Variants in ULK1 observed in about 807,000 individuals in gnomAD.
ULK1 encodes unc-51 like autophagy activating kinase 1.
ULK1 carries 48 observed loss-of-function variants against 117.5 expected under a neutral mutation model. That is an observed-to-expected ratio of 0.41 (90% CI 0.32 to 0.52). The LOEUF is 0.52. ULK1 is among the 20% of genes least tolerant of loss of function. The probability of loss-of-function intolerance (pLI) is 0.29; values close to 1 mark genes in which losing one functional copy is unlikely to be tolerated. For synonymous variants in ULK1, 790 were observed against 637.8 expected (o/e 1.24, Z -3.60); for missense variants, 1,387 against 1,473.4 (o/e 0.94, Z 0.96).
intron 11 of ULK1, among the ~76,000 whole-genome samples, chr12:131,910,507 G>C (rs7295593): frequency 0.63 from 94,979 of 151,964 alleles, 32,349 homozygotes; most frequent in Non-Finnish European, 0.77. Flanking sequence ...AGCAGGCTTG[G>C]GATGGGGATG....
rs1022478717 is a variant in ULK1 at position 131,919,846 on chromosome 12, C to G, written c.2804-133C>G. The G allele has an allele frequency of 4.4e-6, 6 of 1,369,840 alleles. No individual in the cohort carries two copies. The South Asian group carries it at 8.5e-5, about 19-fold the overall frequency. 84.9% of individuals were successfully genotyped at this position (1,369,840 alleles called of 1,614,324 possible). On this transcript the variant is annotated intron_variant, in intron 25 of 27. Transcript: ENST00000321867. ...AAGGTGCGGAGCCTGGCCACACCCT[C>G]AAGGCCACGGGGAGCCAGGGCTGTG...
intron 3 of ULK1, among the ~76,000 whole-genome samples, chr12:131,900,114 CAAAAAA>C (rs55658532): frequency 1.3e-4 from 9 of 70,122 alleles, no homozygotes; most frequent in African/African-American, 4.2e-4. Flanking sequence ...GAAACTCTCT[CAAAAAA>C]AAAAAAAAAA....
intron 22 of ULK1, chr12:131,918,231 G>A: frequency 1.8e-6 from 1 of 548,652 alleles, no homozygotes; most frequent in Non-Finnish European, 3.2e-6. Context: ...CTGGGGGTCG[G>A]GATACCCAGA....
chr12:131,908,407 C>A (rs1341195686), intron 5 of ULK1, among the ~76,000 whole-genome samples: 1 of 152,098 alleles, frequency 6.6e-6, no homozygotes, highest in Non-Finnish European at 1.5e-5. Flanking sequence ...TCTGGAGCAG[C>A]TGCAGCCCGG....
At chr12:131,913,910 C>A in intron 15 of ULK1, 74 bp downstream of exon 15, 1 of 1,285,048 alleles carries the variant, frequency 7.8e-7, no homozygotes, top group Non-Finnish European at 1.0e-6. Context: ...TCCTGTGTGT[C>A]GCAGCCAGCC....
At position 131,903,022 on chromosome 12, in the gene ULK1, G is replaced by A. The variant is rs977105096; in HGVS notation, c.247-3870G>A. ...GAGCTGGAGCCCGATGCCCTGTGTG[G>A]GTTCTGGGTGGGCCCAGGGGAGGTC... On this transcript the variant is annotated intron_variant, in intron 3 of 27. Coordinates refer to ENST00000321867, the MANE Select transcript of ULK1 (RefSeq NM_003565.4). This position sits in a 1 kb window ranked among gnomAD's most constrained non-coding sequence, Gnocchi z 6.0. Among the ~76,000 whole-genome samples the A allele has an allele frequency of 6.6e-6, 1 of 152,200 alleles. No homozygotes were observed. Among genetic ancestry groups the A allele is most frequent in the African/African-American group, 2.4e-5 (1 of 41,448 alleles).
intron 18 of ULK1, 140 bp downstream of exon 18, chr12:131,915,561 C>T: frequency 9.2e-7 from 1 of 1,089,910 alleles, no homozygotes; most frequent in Non-Finnish European, 1.3e-6. Flanking sequence ...ACTGCCTCTC[C>T]ACCTCCTGGC....
At chr12:131,914,542 G>T in intron 16 of ULK1, 65 bp downstream of exon 16, 1 of 1,558,676 alleles carries the variant, frequency 6.4e-7, no homozygotes, top group South Asian at 1.2e-5. Flanking sequence ...GCCCTTCCAC[G>T]GCTCCCATAG....
chr12:131,907,003 G>T (rs559638299), intron 4 of ULK1, 79 bp downstream of exon 4: 8 of 1,587,608 alleles, frequency 5.0e-6, no homozygotes, highest in Admixed American at 1.7e-5. Context: ...GACATGGCTG[G>T]GGGGAGGGTG....
In ULK1 at chr12:131,918,596, G is replaced by A; in HGVS notation, c.2426G>A (p.Cys809Tyr). 6.2e-7 allele frequency: 1 copy of A among 1,610,822 alleles called. No individual in the cohort carries two copies. The highest frequency in any genetic ancestry group is 8.5e-7 in the Non-Finnish European group (1 of 1,178,948). ...GAGCTCCCTGCTCCAGGACACGGCT[G>A]CAGCTTTGCCGACCCCATTACTGCG... ...APELPAPGHG[C>Y]SFADPITANL... The change falls in exon 23 of 28, where the codon TGC becomes TAC. Residue 809 changes from cysteine (C) to tyrosine (Y), a missense_variant. Around this residue, in one of 4 missense-constraint regions of ULK1, gnomAD observed 900 missense variants for 858.9 expected, o/e 1.05. Transcript: ENST00000321867.
chr12:131,910,001 G>A lies in ULK1; in HGVS notation c.808G>A (p.Asp270Asn). The A allele has an allele frequency of 6.2e-7, 1 of 1,611,608 alleles. No homozygotes were observed. The highest frequency in any genetic ancestry group is 1.1e-5 in the South Asian group (1 of 91,058). The change falls in exon 10 of 28, where the codon GAT (aspartate) becomes AAT (asparagine). Residue 270 changes from aspartate to asparagine, a missense_variant and splice_region_variant. Coordinates refer to ENST00000321867, the MANE Select transcript of ULK1 (RefSeq NM_003565.4). ...QRNHKDRMDF[D>N]EFFHHPFLDA... ...CAACCACAAGGACCGCATGGACTTC[G>A]GTGAGCACCCACCAGGGGCGCAGCT...
rs1888841221 is a variant in ULK1 at position 131,895,779 on chromosome 12, C to T, written c.205-4C>T. The T allele has an allele frequency of 1.9e-6, 3 of 1,614,156 alleles. No individual in the cohort carries two copies. The highest frequency in any genetic ancestry group is 1.1e-5 in the South Asian group (1 of 91,084). The stretch of plus-strand genomic sequence containing the variant: ...CTGATAACAAACTTGGGTTTCTGTC[C>T]TAGGAACTGAAACATGAAAACATCG... On this transcript the variant is annotated splice_region_variant and splice_polypyrimidine_tract_variant and intron_variant, in intron 2 of 27. Transcript: ENST00000321867.
At position 131,921,140 on chromosome 12, in the gene ULK1, AG is replaced by A; in HGVS notation, c.3005del (p.Gly1002AlafsTer44). ...CTGGACGAGATGTTCCAGCACCGTG[AG>A]GGCTGCGTCCCACGCTACCACAAGG... ...AALDEMFQHR[E>X]GCVPRYHKAL... On this transcript the variant is annotated frameshift_variant, in exon 27 of 28. Transcript: ENST00000321867. LOFTEE classifies it high-confidence loss of function. 6.2e-7 allele frequency: 1 copy of A among 1,603,314 alleles called. No homozygotes were observed.
rs1313185538 is a variant in ULK1, at chr12:131,915,091, C to T, written c.1382C>T (p.Ala461Val). ...ATCTGCCTTGTCTTCAGGTCCTCTG[C>T]CATCCGCAGGTCAGGCAGCACCAGC... ...PTQFQTPRSSAIRRSGSTSPL... is the reference protein window; with the variant it reads ...PTQFQTPRSSVIRRSGSTSPL... Residue 461 changes from alanine (A) to valine (V), a missense_variant, in exon 17 of 28, where the codon GCC becomes GTC. By Grantham distance (64) the Ala-to-Val change is moderately conservative. Coordinates refer to ENST00000321867, the MANE Select transcript of ULK1 (RefSeq NM_003565.4). 1.9e-6 allele frequency: 3 copies of T among 1,548,372 alleles called. No homozygotes were observed. In the African/African-American group the frequency reaches 4.1e-5, roughly 21 times the overall value.
At position 131,916,936 on chromosome 12, in the gene ULK1, C is replaced by T. The variant is rs779502695; in HGVS notation, c.2073-17C>T. On this transcript the variant is annotated splice_polypyrimidine_tract_variant and intron_variant, in intron 20 of 27. Transcript: ENST00000321867. ...GGGTGGGCCGGGCACCCAGCACAGC[C>T]CTGCACACTCCCACAGGTCTTTCAG... 13 of 1,605,410 alleles carry T rather than the reference C, an allele frequency of 8.1e-6. No individual in the cohort carries two copies. The highest frequency in any genetic ancestry group is 1.1e-5 in the Non-Finnish European group (13 of 1,175,994).
At position 131,917,493 on chromosome 12, in the gene ULK1, C is replaced by G. The variant is rs376618136; in HGVS notation, c.2265C>G (p.Thr755=). ...GTSSPSPVVF[T]VGSPPSGSTP... is the part of the protein sequence containing the mutation. Reference sequence around the variant, plus strand: ...GCAGCCCTTCCCCGGTGGTCTTCACCGTGGGCTCTCCCCCGAGCGGGAGCA... The same window carrying G: ...GCAGCCCTTCCCCGGTGGTCTTCACGGTGGGCTCTCCCCCGAGCGGGAGCA... The change falls in exon 22 of 28, where the codon ACC becomes ACG. Residue 755 remains threonine, a synonymous_variant. Coordinates refer to ENST00000321867, the MANE Select transcript of ULK1 (RefSeq NM_003565.4). 1 of 1,498,250 alleles carries G rather than the reference C, an allele frequency of 6.7e-7. No individual in the cohort carries two copies. Among genetic ancestry groups the G allele is most frequent in the East Asian group, 2.5e-5 (1 of 39,572 alleles). The allele number at this position is 1,498,250 out of a possible 1,614,324, so 92.8% of individuals were successfully genotyped here. A position where few individuals can be genotyped will look rare whatever the true frequency, so the allele number is the denominator to read the frequency against.
chr12:131,908,500 G>C, intron 5 of ULK1, 144 bp from the exon 6 acceptor site: 1 of 1,016,168 alleles, frequency 9.8e-7, no homozygotes, highest in African/African-American at 1.7e-5. Flanking sequence ...GGTGGCTTGT[G>C]CCCCTCCTGA....
intron 21 of ULK1, 21 bp downstream of exon 21, chr12:131,917,083 C>G: frequency 2.2e-6 from 3 of 1,380,362 alleles, no homozygotes; most frequent in South Asian, 1.3e-5. Flanking sequence ...GGGTGGGGCT[C>G]GGAGGCTGTG....
Position 131,910,861 on chromosome 12 carries a change from G to A in ULK1, c.948+61G>A, listed in dbSNP as rs926668361. On this transcript the variant is annotated intron_variant, in intron 12 of 27. Coordinates refer to ENST00000321867, the MANE Select transcript of ULK1 (RefSeq NM_003565.4). The stretch of plus-strand genomic sequence containing the variant: ...CTCCACTCAGCAGTCAGGGGCTCCA[G>A]CCCTGGGCCCCCGCGGGGACGTGCT... 7 of 1,602,986 alleles carry A rather than the reference G, an allele frequency of 4.4e-6. No individual in the cohort carries two copies. The African/African-American group carries it at 8.0e-5, about 18-fold the overall frequency.
Sources: gnomAD v4.1 joint callset for allele counts (sites outside exome capture counted in the v4.1 genomes callset) on GRCh38, gnomAD v4.1.1 for gene constraint, gnomAD v4.1.1 regional missense constraint, Gnocchi (gnomAD v3.1) non-coding constraint, MANE v1.5 for transcripts, NCBI Gene and HGNC (gene_info 2026-07-23, HGNC 2026-07-21) for gene names.